NCAPG2: variants seen among roughly 807,000 people sequenced by gnomAD.
NCAPG2 encodes non-SMC condensin II complex subunit G2.
NCAPG2 carries 53 observed loss-of-function variants against 141.1 expected under a neutral mutation model. The observed-to-expected ratio is 0.38, with a 90% CI of 0.30 to 0.47. NCAPG2 has a LOEUF of 0.47. Ranked by LOEUF, NCAPG2 falls within the 20% of genes least tolerant of loss-of-function variation. The pLI is 0.99. For missense variants in NCAPG2, 1,087 were observed against 1,389.0 expected, an observed-to-expected ratio of 0.78 and a Z score of 3.46; for synonymous variants, 499 against 490.7, an observed-to-expected ratio of 1.02 and a Z score of -0.22.
chr7:158,695,538 C>A (rs1240046967), intron 2 of NCAPG2, among the ~76,000 whole-genome samples: 1 of 152,246 alleles, frequency 6.6e-6, no homozygotes, highest in African/African-American at 2.4e-5. Context: ...CCCAGCTTCA[C>A]TGAAGGCTGT....
At chr7:158,663,330 C>T (rs893894345) in intron 15 of NCAPG2, among the ~76,000 whole-genome samples, 1 of 152,240 alleles carries the variant, frequency 6.6e-6, no homozygotes, top group African/African-American at 2.4e-5. Context: ...GCTGTGAAGA[C>T]GGAAGTGGCT....
At position 158,652,335 on chromosome 7, in the gene NCAPG2, A is replaced by G; in HGVS notation, c.2892T>C (p.Cys964=). Residue 964 remains cysteine, a synonymous_variant, in exon 23 of 28, where the codon TGT becomes TGC. Coordinates refer to ENST00000356309, the MANE Select transcript of NCAPG2 (RefSeq NM_017760.7). ...GCTGCTTCCTGAAGCTCCGTGCAAT[A>G]CATTCCAACATTTTCTGAAATACTT... The part of the protein sequence containing the change: ...VQKVFQKMLE[C]IARSFRKQPE... The G allele has an allele frequency of 6.2e-7, 1 of 1,613,908 alleles. No individual in the cohort carries two copies. The highest frequency in any genetic ancestry group is 8.5e-7 in the Non-Finnish European group (1 of 1,180,008).
chr7:158,679,008 T>TTTG (rs991979895), intron 11 of NCAPG2, among the ~76,000 whole-genome samples: 14 of 152,006 alleles, frequency 9.2e-5, no homozygotes, highest in African/African-American at 2.9e-4. Flanking sequence ...TGTTTTTTTG[T>TTTG]TTGTTGTTGT....
At chr7:158,657,580 T>C (rs563085329) in intron 17 of NCAPG2, among the ~76,000 whole-genome samples, 19 of 152,150 alleles carry the variant, frequency 1.2e-4, no homozygotes, top group Middle Eastern at 3.4e-3. Flanking sequence ...AGGTGAGGGG[T>C]GCCTCTGCCT....
intron 3 of NCAPG2, 79 bp downstream of exon 3, chr7:158,693,230 A>G: frequency 1.4e-6 from 2 of 1,425,362 alleles, no homozygotes; most frequent in Non-Finnish European, 1.9e-6. Flanking sequence ...TTAATGTAAA[A>G]TTCAATGATA....
chr7:158,680,851 C>A, intron 9 of NCAPG2, 35 bp from the exon 10 acceptor site: 1 of 1,442,376 alleles, frequency 6.9e-7, no homozygotes, highest in Non-Finnish European at 9.5e-7. Flanking sequence ...AAGGCATTAA[C>A]AAAAAAATAA....
intron 24 of NCAPG2, 135 bp from the exon 25 acceptor site, chr7:158,646,698 G>T: frequency 1.7e-6 from 1 of 602,564 alleles, no homozygotes; most frequent in Non-Finnish European, 2.8e-6. Context: ...ATTAACTGTT[G>T]AAATGTCTAC....
chr7:158,679,098 C>T (rs549370485), intron 11 of NCAPG2, among the ~76,000 whole-genome samples: 1 of 152,330 alleles, frequency 6.6e-6, no homozygotes, highest in East Asian at 1.9e-4. Flanking sequence ...TCAAATAGTC[C>T]TCCTACCTTG....
chr7:158,665,169 C>T (rs2129460507), intron 13 of NCAPG2: 1 of 172,400 alleles, frequency 5.8e-6, no homozygotes, highest in Middle Eastern at 3.1e-3. Flanking sequence ...ATCTAAGAGG[C>T]TGGGGCATCA....
chr7:158,655,320 G>A lies in NCAPG2; in HGVS notation c.2505+19C>T. On this transcript the variant is annotated intron_variant, in intron 20 of 27. Coordinates refer to ENST00000356309, the MANE Select transcript of NCAPG2 (RefSeq NM_017760.7). ...GAGCACTGTGTATCATCCTAATAGA[G>A]GGCCAGGAGCAGGCACACCTTGTGC... 2 of 1,614,158 alleles carry A rather than the reference G, an allele frequency of 1.2e-6. No homozygotes were observed. Among genetic ancestry groups the A allele is most frequent in the Non-Finnish European group, 1.7e-6 (2 of 1,180,022 alleles).
At chr7:158,642,706 G>A (rs569601462) in intron 27 of NCAPG2, among the ~76,000 whole-genome samples, 30 of 151,852 alleles carry the variant, frequency 2.0e-4, no homozygotes, top group African/African-American at 6.3e-4. Flanking sequence ...TTCCACCTTC[G>A]GAAAACAGAA....
chr7:158,680,438 G>A (rs1834378987), intron 10 of NCAPG2, among the ~76,000 whole-genome samples: 1 of 152,154 alleles, frequency 6.6e-6, no homozygotes, highest in African/African-American at 2.4e-5. Flanking sequence ...ACCACCCACA[G>A]CCTCAGCTGG....
intron 24 of NCAPG2, among the ~76,000 whole-genome samples, chr7:158,648,527 CCAAATGGACGACAACCACGG>C (rs765460820): frequency 1.5e-4 from 21 of 141,698 alleles, no homozygotes; most frequent in East Asian, 4.7e-4. Flanking sequence ...TATAACCACG[CCAAATGGACGACAACCACGG>C]CAAATGGACG....
In NCAPG2 at chr7:158,674,515, C is replaced by T. The variant is rs116872128; in HGVS notation, c.1326+962G>A. On this transcript the variant is annotated intron_variant, in intron 12 of 27. Coordinates refer to ENST00000356309, the MANE Select transcript of NCAPG2 (RefSeq NM_017760.7). ...ACTCCGCTCAGGCTGGTCTCGAGCT[C>T]GTGAACTCAAGCAATCCACCTGTCT... Among the ~76,000 whole-genome samples the T allele has an allele frequency of 4.9e-4, 74 of 152,264 alleles. No individual in the cohort carries two copies. The East Asian group carries it at 0.013, about 26-fold the overall frequency.
At chr7:158,655,286 T>G in intron 20 of NCAPG2, 28 bp from the exon 21 acceptor site, 1 of 1,613,468 alleles carries the variant, frequency 6.2e-7, no homozygotes, top group South Asian at 1.1e-5. Flanking sequence ...GATAAATCAG[T>G]AACAAAAAGA....
intron 2 of NCAPG2, 89 bp from the exon 3 acceptor site, chr7:158,693,586 TA>T (rs1835263801): frequency 8.7e-7 from 1 of 1,146,396 alleles, no homozygotes; most frequent in Admixed American, 2.7e-5. Context: ...AGTTAAGTGT[TA>T]ACTTCATTAC....
chr7:158,645,430 A>G (rs1232567353), intron 26 of NCAPG2, 89 bp downstream of exon 26: 1 of 1,160,544 alleles, frequency 8.6e-7, no homozygotes, highest in Non-Finnish European at 1.3e-6. Context: ...AGGAGTAGCC[A>G]AGTGCAGGGG....
rs1563538680 is a variant in NCAPG2, at chr7:158,667,376, C to CCTTACCCACTACTGGGTCCCTCCGCCCT, written c.1480-2627_1480-2626insAGGGCGGAGGGACCCAGTAGTGGGTAAG. Reference sequence around the variant, plus strand: ...TAGCCACTACCGGATCCCTCCGCCCCCCCTTACCCACTACTGGGTCCCTCC... The same window carrying CCTTACCCACTACTGGGTCCCTCCGCCCT: ...TAGCCACTACCGGATCCCTCCGCCCCCTTACCCACTACTGGGTCCCTCCGCCCTCCCTTACCCACTACTGGGTCCCTCC... On this transcript the variant is annotated intron_variant, in intron 13 of 27. Transcript: ENST00000356309. 4.2e-4 allele frequency: 31 copies of CCTTACCCACTACTGGGTCCCTCCGCCCT among 74,480 alleles called. 3 individuals carry two copies. The highest frequency in any genetic ancestry group is 1.6e-3 in the South Asian group (2 of 1,238). 4.6% of individuals were successfully genotyped at this position (74,480 alleles called of 1,614,324 possible).
chr7:158,656,202 T>C, intron 19 of NCAPG2, 58 bp downstream of exon 19: 1 of 1,562,020 alleles, frequency 6.4e-7, no homozygotes, highest in Non-Finnish European at 8.7e-7. Context: ...GCTTCACACT[T>C]TGATTTGTCA....
Sources: allele counts gnomAD v4.1 joint callset (sites outside exome capture counted in the v4.1 genomes callset), GRCh38; gene constraint gnomAD v4.1.1; transcripts MANE v1.5; gene names NCBI Gene and HGNC (gene_info 2026-07-23, HGNC 2026-07-21).